GATM: variants seen among roughly 807,000 people sequenced by gnomAD.
GATM encodes glycine amidinotransferase, also known as glycine amidinotransferase, mitochondrial.
In GATM, 23 loss-of-function variants were observed where a neutral mutation model predicts 54.2. The ratio of observed to expected loss-of-function variants is 0.42; its 90% CI spans 0.31 to 0.60. The LOEUF (loss-of-function observed/expected upper bound fraction) is 0.60, where lower values mean the gene tolerates loss of function less well. Among genes scored for constraint, GATM ranks in the 20% least tolerant of loss-of-function variants. The pLI is 0.14. For synonymous variants in GATM, 168 were observed against 183.1 expected (o/e 0.92, Z 0.67); for missense variants, 401 against 544.9 (o/e 0.74, Z 2.63).
rs1064795192 is a variant in GATM at position 45,378,374 on chromosome 15, G to GGCGC, written c.69+7_69+10dup. The stretch of plus-strand genomic sequence containing the variant: ...CACGCGGCCGCCAGACGAGGCCGGT[G>GGCGC]GCGCACGCACCCGAGATCCGATGTA... On this transcript the variant is annotated intron_variant, in intron 1 of 8. Coordinates refer to ENST00000396659, the MANE Select transcript of GATM (RefSeq NM_001482.3). 4.0e-6 allele frequency: 6 copies of GGCGC among 1,517,102 alleles called. No individual in the cohort carries two copies. Among genetic ancestry groups the GGCGC allele is most frequent in the South Asian group, 1.2e-5 (1 of 81,860 alleles). 94.0% of individuals were successfully genotyped at this position (1,517,102 alleles called of 1,614,324 possible).
upstream of GATM, among the ~76,000 whole-genome samples, chr15:45,380,281 T>C (rs1889723043): frequency 6.8e-6 from 1 of 146,864 alleles, no homozygotes; most frequent in Non-Finnish European, 1.5e-5. Flanking sequence ...TATGAGGTAA[T>C]GTGTTACTAC....
chr15:45,375,814 G>C (rs958018386), intron 2 of GATM, among the ~76,000 whole-genome samples: 3 of 152,084 alleles, frequency 2.0e-5, no homozygotes, highest in Admixed American at 2.0e-4. Context: ...AAGTACAGGA[G>C]GAAAAGAAGC....
chr15:45,369,606 T>C (rs1228826200), intron 2 of GATM, 85 bp from the exon 3 acceptor site: 11 of 1,209,156 alleles, frequency 9.1e-6, no homozygotes, highest in Admixed American at 2.0e-5. Flanking sequence ...CAGCTCTTTG[T>C]ATAAGGTATT....
At chr15:45,362,835 A>C (rs1362157272) in intron 8 of GATM, among the ~76,000 whole-genome samples, 1 of 152,240 alleles carries the variant, frequency 6.6e-6, no homozygotes. Context: ...GGTATTTAGG[A>C]AGAATCTGTT....
At chr15:45,387,678 T>C (rs1315680247) in intron 3 of GATM, among the ~76,000 whole-genome samples, 1 of 152,244 alleles carries the variant, frequency 6.6e-6, no homozygotes, top group African/African-American at 2.4e-5. Context: ...ATCAATTGCC[T>C]AGTCAAAGTT....
At chr15:45,398,970 A>G (rs1595491662) in intron 2 of GATM, among the ~76,000 whole-genome samples, 1 of 152,196 alleles carries the variant, frequency 6.6e-6, no homozygotes, top group Admixed American at 6.5e-5. Flanking sequence ...CTTTTGAATT[A>G]TAGACTTACA....
intron 6 of GATM, among the ~76,000 whole-genome samples, chr15:45,365,379 G>A (rs566839419): frequency 6.6e-5 from 10 of 152,160 alleles, no homozygotes; most frequent in African/African-American, 1.9e-4. Context: ...CTTACTATAC[G>A]AATAAATGAT....
Position 45,362,137 on chromosome 15 carries a change from C to T in GATM, c.1244G>A (p.Arg415Gln), listed in dbSNP as rs374592247. 9.0e-5 allele frequency: 146 copies of T among 1,613,482 alleles called. 2 individuals are homozygous for T. The South Asian group carries it at 9.1e-4, about 10-fold the overall frequency. The change falls in exon 9 of 9, where the codon CGA becomes CAA. Residue 415 changes from arginine to glutamine, a missense_variant. By Grantham distance (43) the Arg-to-Gln change is conservative. Transcript: ENST00000396659. ...FHCWTCDVRR[R>Q]GTLQSYLD ...GTCCAAGTAGGACTGTAAGGTGCCT[C>T]GGCGCCGGACATCGCAGGTCCAGCA...
chr15:45,370,648 G>A (rs1198290777), intron 2 of GATM, among the ~76,000 whole-genome samples: 1 of 152,166 alleles, frequency 6.6e-6, no homozygotes, highest in African/African-American at 2.4e-5. Flanking sequence ...AAAGTTTCCA[G>A]GGCTATGTGT....
At position 45,362,145 on chromosome 15, in the gene GATM, G is replaced by A; in HGVS notation, c.1236C>T (p.Val412=). ...GGGFHCWTCD[V]RRRGTLQSYL... The stretch of plus-strand genomic sequence containing the variant: ...AGGACTGTAAGGTGCCTCGGCGCCG[G>A]ACATCGCAGGTCCAGCAATGGAAGC... Residue 412 remains valine, a synonymous_variant, in exon 9 of 9, where the codon GTC becomes GTT. Transcript: ENST00000396659. The A allele has an allele frequency of 6.2e-7, 1 of 1,613,914 alleles. No homozygotes were observed. The highest frequency in any genetic ancestry group is 1.7e-4 in the Middle Eastern group (1 of 6,060).
rs757696021 is a variant in GATM at position 45,369,455 on chromosome 15, G to T, written c.355C>A (p.His119Asn). The T allele has an allele frequency of 6.2e-6, 10 of 1,613,978 alleles. No homozygotes were observed. The highest frequency in any genetic ancestry group is 8.5e-6 in the Non-Finnish European group (10 of 1,179,992). ...ATTTCAGCAACAGCCTTTTTCAAAT[G>T]ATCTTTGGGAAAATAATGCCCTCCT... ...KQGGHYFPKD[H>N]LKKAVAEIEE... Residue 119 changes from histidine to asparagine, a missense_variant, in exon 3 of 9, where the codon CAT (histidine) becomes AAT (asparagine). Coordinates refer to ENST00000396659, the MANE Select transcript of GATM (RefSeq NM_001482.3).
chr15:45,363,537 C>G (rs1889400028), intron 8 of GATM: 1 of 335,026 alleles, frequency 3.0e-6, no homozygotes, highest in African/African-American at 2.1e-5. Context: ...TATGTGATGA[C>G]AGGACACTTT....
At chr15:45,362,382 T>G (rs1302089205) in intron 8 of GATM, among the ~76,000 whole-genome samples, 161 bp from the exon 9 acceptor site, 2 of 152,206 alleles carry the variant, frequency 1.3e-5, no homozygotes, top group Non-Finnish European at 2.9e-5. Context: ...ACCAACTATA[T>G]TTCATCTGCT....
Position 45,377,103 on chromosome 15 carries a change from T to C in GATM, c.70-284A>G, listed in dbSNP as rs1180904974. The C allele has an allele frequency of 8.2e-6, 4 of 484,852 alleles. No homozygotes were observed. The East Asian group carries it at 1.6e-4, about 19-fold the overall frequency. 30.0% of individuals were successfully genotyped at this position (484,852 alleles called of 1,614,324 possible). On this transcript the variant is annotated intron_variant, in intron 1 of 8. Transcript: ENST00000396659. ...CCCAGCTACCATACACCCCCATCTT[T>C]ATCTCAGAATGCAATTCCTGCACTC...
intron 2 of GATM, among the ~76,000 whole-genome samples, chr15:45,374,925 C>T (rs1227447219): frequency 6.6e-6 from 1 of 152,080 alleles, no homozygotes; most frequent in African/African-American, 2.4e-5. Context: ...ATTTGTAACC[C>T]ATTATTAATA....
chr15:45,368,810 T>C lies in GATM; in HGVS notation c.484+516A>G, dbSNP rs1207135628. Among the ~76,000 whole-genome samples, 1 of 151,752 alleles carries C rather than the reference T, an allele frequency of 6.6e-6. No individual in the cohort carries two copies. The highest frequency in any genetic ancestry group is 1.5e-5 in the Non-Finnish European group (1 of 67,954). On this transcript the variant is annotated intron_variant, in intron 3 of 8. Coordinates refer to ENST00000396659, the MANE Select transcript of GATM (RefSeq NM_001482.3). The surrounding 1 kb of genome is among the most constrained non-coding windows in gnomAD (Gnocchi z 5.1). ...AAAAAAAAGTGAAGGAATAAAGTCC[T>C]TGTACAAAGAGATCTTGAACCACCA...
exon 1 of GATM, chr15:45,402,188 C>T: frequency 1.8e-6 from 1 of 541,040 alleles, no homozygotes; most frequent in Non-Finnish European, 3.1e-6. Flanking sequence ...AAGACCATCT[C>T]GGGAAAGCTC....
chr15:45,370,714 GT>G (rs1889528525), intron 2 of GATM, among the ~76,000 whole-genome samples: 1 of 152,200 alleles, frequency 6.6e-6, no homozygotes, highest in Non-Finnish European at 1.5e-5. Context: ...GGCTCAATCA[GT>G]TTGCTAAAAA....
Position 45,378,515 on chromosome 15 carries a change from G to A in GATM, c.-62C>T. On this transcript the variant is annotated 5_prime_UTR_variant, in exon 1 of 9. Transcript: ENST00000396659. ...TGGCCTCTGGGCCGCGTCGGTCCAA[G>A]CCTTCCCGAGAGCGCGCCCGGAGCG... 1.6e-6 allele frequency: 2 copies of A among 1,276,624 alleles called. No homozygotes were observed. The highest frequency in any genetic ancestry group is 1.0e-6 in the Non-Finnish European group (1 of 1,000,464). 79.1% of individuals were successfully genotyped at this position (1,276,624 alleles called of 1,614,324 possible).
Sources: allele counts gnomAD v4.1 joint callset (sites outside exome capture counted in the v4.1 genomes callset), GRCh38; gene constraint gnomAD v4.1.1; non-coding constraint Gnocchi (gnomAD v3.1); transcripts MANE v1.5; gene names NCBI Gene and HGNC (gene_info 2026-07-23, HGNC 2026-07-21).